Variants in IGSF21 observed in about 807,000 individuals in gnomAD.
IGSF21 encodes the protein immunoglobin superfamily member 21.
In IGSF21, 28 loss-of-function variants were observed where a neutral mutation model predicts 46.8. That is an observed-to-expected ratio of 0.60 (90% CI 0.44 to 0.82). IGSF21 has a LOEUF of 0.82. IGSF21 is among the 40% of genes least tolerant of loss of function. IGSF21 has a pLI of 0.00. For synonymous variants in IGSF21, 284 were observed against 273.6 expected (o/e 1.04, Z -0.38); for missense variants, 624 against 665.5 (o/e 0.94, Z 0.69).
chr1:18,304,974 A>G (rs945958497), intron 3 of IGSF21, among the ~76,000 whole-genome samples: 7 of 152,234 alleles, frequency 4.6e-5, no homozygotes, highest in African/African-American at 1.7e-4. Context: ...TATTATGGCA[A>G]TCTAATAAAA....
chr1:18,243,830 T>C lies in IGSF21; in HGVS notation c.183+15820T>C, dbSNP rs74365761. The stretch of plus-strand genomic sequence containing the variant: ...GCATGAACCCTGAGGAGCGAGCATA[T>C]GGACCAGCAGTGAAGATGCTGCTTT... On this transcript the variant is annotated intron_variant, in intron 2 of 9. Coordinates refer to ENST00000251296, the MANE Select transcript of IGSF21 (RefSeq NM_032880.5). 2.6e-5 allele frequency among the ~76,000 whole-genome samples: 4 copies of C among 152,258 alleles called. No homozygotes were observed. In the East Asian group the frequency reaches 7.7e-4, roughly 29 times the overall value.
At chr1:18,191,156 C>G (rs887802298) in intron 1 of IGSF21, among the ~76,000 whole-genome samples, 6 of 152,166 alleles carry the variant, frequency 3.9e-5, no homozygotes, top group African/African-American at 1.4e-4. Flanking sequence ...TCGTTAAGCA[C>G]CCACTCAGTG....
intron 5 of IGSF21, among the ~76,000 whole-genome samples, 188 bp downstream of exon 5, chr1:18,362,418 T>G (rs964948611): frequency 6.6e-6 from 1 of 152,194 alleles, no homozygotes; most frequent in Admixed American, 6.5e-5. Flanking sequence ...TGTGCCCCTG[T>G]TGCTACCCAT....
At chr1:18,252,978 G>T (rs2084857149) in intron 2 of IGSF21, among the ~76,000 whole-genome samples, 1 of 152,110 alleles carries the variant, frequency 6.6e-6, no homozygotes, top group African/African-American at 2.4e-5. Context: ...CCTCAACCCT[G>T]GAAGTAATTA....
intron 1 of IGSF21, among the ~76,000 whole-genome samples, chr1:18,160,381 T>C (rs2086607454): frequency 6.6e-6 from 1 of 152,206 alleles, no homozygotes. Flanking sequence ...CACAGCATTA[T>C]GCCCTCATGC....
rs1557659641 is a variant in IGSF21, at chr1:18,359,385, A to AGAAAGAAAGAAAGAAAGAAAGAAT, written c.425-2729_425-2728insAAAGAAAGAAAGAAAGAAAGAATG. ...AAGAAAGAAAGAAAGAAAGAAAGAA[A>AGAAAGAAAGAAAGAAAGAAAGAAT]GGAAGGAAGGAAGGAAGGAAGGAAG... On this transcript the variant is annotated intron_variant, in intron 4 of 9. Transcript: ENST00000251296. 2.9e-5 allele frequency among the ~76,000 whole-genome samples: 2 copies of AGAAAGAAAGAAAGAAAGAAAGAAT among 68,464 alleles called. 1 individual carries two copies. The highest frequency in any genetic ancestry group is 1.2e-4 in the African/African-American group (2 of 16,506). 44.9% of individuals were successfully genotyped at this position (68,464 alleles called of 152,430 possible).
At chr1:18,183,704 T>C (rs1232045690) in intron 1 of IGSF21, among the ~76,000 whole-genome samples, 1 of 152,190 alleles carries the variant, frequency 6.6e-6, no homozygotes, top group African/African-American at 2.4e-5. Flanking sequence ...CCATTTAAGC[T>C]GCTGGTCCAG....
chr1:18,267,362 GTGCT>G (rs2084999676), intron 2 of IGSF21, among the ~76,000 whole-genome samples: 2 of 152,244 alleles, frequency 1.3e-5, no homozygotes, highest in Non-Finnish European at 2.9e-5. Context: ...GAGCATCAGG[GTGCT>G]CAGGAAAACA....
intron 3 of IGSF21, among the ~76,000 whole-genome samples, chr1:18,320,017 G>A (rs1048278097): frequency 2.6e-5 from 4 of 152,170 alleles, no homozygotes; most frequent in East Asian, 1.9e-4. Flanking sequence ...ACTCAGTAAC[G>A]ATATGTTGGA....
intron 1 of IGSF21, 44 bp from the exon 2 acceptor site, chr1:18,227,854 G>A: frequency 4.1e-6 from 6 of 1,462,090 alleles, no homozygotes; most frequent in Non-Finnish European, 5.8e-6. Context: ...CAGCCCCTCT[G>A]ATCTGCTCGT....
At position 18,322,672 on chromosome 1, in the gene IGSF21, G is replaced by A. The variant is rs2085615458; in HGVS notation, c.306-12220G>A. Among the ~76,000 whole-genome samples the A allele has an allele frequency of 6.6e-6, 1 of 152,108 alleles. No homozygotes were observed. Reference sequence around the variant, plus strand: ...TGCCAGTCCTGGGATGGCGTCGGGTGAAGGTAGGAAAAACACTCTGAACCC... The same window carrying A: ...TGCCAGTCCTGGGATGGCGTCGGGTAAAGGTAGGAAAAACACTCTGAACCC... On this transcript the variant is annotated intron_variant, in intron 3 of 9. Transcript: ENST00000251296. The surrounding 1 kb of genome is among the most constrained non-coding windows in gnomAD (Gnocchi z 4.3).
At chr1:18,264,408 A>T (rs185053481) in intron 2 of IGSF21, among the ~76,000 whole-genome samples, 1 of 152,324 alleles carries the variant, frequency 6.6e-6, no homozygotes, top group East Asian at 1.9e-4. Context: ...ATTATTAATG[A>T]CATTTGAATA....
intron 1 of IGSF21, among the ~76,000 whole-genome samples, chr1:18,217,367 G>T (rs2084460106): frequency 6.6e-6 from 1 of 152,206 alleles, no homozygotes; most frequent in Non-Finnish European, 1.5e-5. Flanking sequence ...AATAAGTAAT[G>T]GTTTGGGTGA....
chr1:18,278,635 C>A (rs184963180), intron 2 of IGSF21, among the ~76,000 whole-genome samples: 1 of 152,006 alleles, frequency 6.6e-6, no homozygotes, highest in Admixed American at 6.6e-5. Flanking sequence ...CTTATTACAG[C>A]CTCAACTTCC....
At chr1:18,151,411 T>G (rs9661686) in intron 1 of IGSF21, among the ~76,000 whole-genome samples, 2 of 152,142 alleles carry the variant, frequency 1.3e-5, no homozygotes, top group African/African-American at 4.8e-5. Flanking sequence ...GGTTCCCCGC[T>G]GGATCCTCTG....
rs1273776402 is a variant in IGSF21 at position 18,365,393 on chromosome 1, G to C, written c.711G>C (p.Arg237=). ...TGTCCCTCCTGGACGCCGAGAACCG[G>C]GGTGGGCGACCCTACACGGAGCGCC... ...KSLSLLDAEN[R]GGRPYTERPS... Residue 237 remains arginine, a synonymous_variant, in exon 6 of 10, where the codon CGG becomes CGC. Transcript: ENST00000251296. The surrounding 1 kb of genome is among the most constrained non-coding windows in gnomAD (Gnocchi z 4.8). 6.2e-7 allele frequency: 1 copy of C among 1,613,790 alleles called. No individual in the cohort carries two copies. Among genetic ancestry groups the C allele is most frequent in the Non-Finnish European group, 8.5e-7 (1 of 1,179,996 alleles).
chr1:18,257,704 G>C (rs2084904986), intron 2 of IGSF21, among the ~76,000 whole-genome samples: 1 of 152,218 alleles, frequency 6.6e-6, no homozygotes, highest in South Asian at 2.1e-4. Flanking sequence ...TGCCTACTGT[G>C]CACCAGGTTC....
chr1:18,346,298 G>A (rs183872725), intron 4 of IGSF21, among the ~76,000 whole-genome samples: 2 of 152,248 alleles, frequency 1.3e-5, no homozygotes, highest in African/African-American at 4.8e-5. Context: ...CTGTCTTGCT[G>A]TGGCTTTTCC....
At chr1:18,254,615 C>T (rs1336053612) in intron 2 of IGSF21, among the ~76,000 whole-genome samples, 1 of 152,170 alleles carries the variant, frequency 6.6e-6, no homozygotes, top group Non-Finnish European at 1.5e-5. Flanking sequence ...AAAGCCATTG[C>T]TCCCAAAGGG....
Sources: gnomAD v4.1 joint callset for allele counts (sites outside exome capture counted in the v4.1 genomes callset) on GRCh38, gnomAD v4.1.1 for gene constraint, Gnocchi (gnomAD v3.1) non-coding constraint, MANE v1.5 for transcripts, NCBI Gene and HGNC (gene_info 2026-07-23, HGNC 2026-07-21) for gene names.